ASB1: variants seen among roughly 807,000 people sequenced by gnomAD.
The protein encoded by ASB1 is ankyrin repeat and SOCS box protein 1.
ASB1 carries 18 observed loss-of-function variants against 27.7 expected under a neutral mutation model. The ratio of observed to expected loss-of-function variants is 0.65; its 90% CI spans 0.45 to 0.96. The LOEUF (loss-of-function observed/expected upper bound fraction) is 0.96, where lower values mean the gene tolerates loss of function less well. ASB1 is among the 50% of genes least tolerant of loss of function. ASB1 has a pLI of 0.00. For synonymous variants in ASB1, 189 were observed against 187.6 expected, an observed-to-expected ratio of 1.01 and a Z score of -0.06; for missense variants, 397 against 451.7, an observed-to-expected ratio of 0.88 and a Z score of 1.10.
intron 2 of ASB1, 24 bp downstream of exon 2, chr2:238,433,719 G>A (rs1251569756): frequency 1.9e-6 from 3 of 1,612,602 alleles, no homozygotes; most frequent in Non-Finnish European, 2.5e-6. Context: ...CCCAGGGCTG[G>A]TCCGGGTACT....
At chr2:238,444,980 T>TG (rs1553626202) in intron 4 of ASB1, among the ~76,000 whole-genome samples, 1 of 22,332 alleles carries the variant, frequency 4.5e-5, no homozygotes, top group African/African-American at 1.6e-4. Context: ...TCGCGCTCTC[T>TG]TTTTTTTTTT....
chr2:238,428,384 G>A (rs1234545570), intron 1 of ASB1, among the ~76,000 whole-genome samples: 1 of 152,182 alleles, frequency 6.6e-6, no homozygotes, highest in African/African-American at 2.4e-5. Context: ...TCCGCCTCGG[G>A]GGTTCAAGCG....
intron 2 of ASB1, among the ~76,000 whole-genome samples, chr2:238,434,245 A>ACAAAATGG (rs1701925299): frequency 6.6e-6 from 1 of 152,072 alleles, no homozygotes; most frequent in African/African-American, 2.4e-5. Context: ...GCCTGTCCCC[A>ACAAAATGG]CAAAATGGCT....
In ASB1 at chr2:238,444,471, C is replaced by G; in HGVS notation, c.624C>G (p.Phe208Leu). Residue 208 changes from phenylalanine (F) to leucine (L), a missense_variant, in exon 4 of 5, where the codon TTC becomes TTG. Coordinates refer to ENST00000264607, the MANE Select transcript of ASB1 (RefSeq NM_001040445.3). ...CAGCCTACCACAACCTCCAGTGCTTCCGGCTGCTCCTCCTGGCTGGCGCGA... is the reference window on the plus strand; with the variant it reads ...CAGCCTACCACAACCTCCAGTGCTTGCGGCTGCTCCTCCTGGCTGGCGCGA... ...ISAAYHNLQC[F>L]RLLLLAGANP... 1.9e-6 allele frequency: 3 copies of G among 1,614,256 alleles called. No individual in the cohort carries two copies. The highest frequency in any genetic ancestry group is 2.5e-6 in the Non-Finnish European group (3 of 1,180,046).
rs750212403 is a variant in ASB1, at chr2:238,433,645, C to T, written c.141C>T (p.Val47=). The T allele has an allele frequency of 1.2e-5, 20 of 1,613,956 alleles. No individual in the cohort carries two copies. The highest frequency in any genetic ancestry group is 4.5e-5 in the East Asian group (2 of 44,894). Residue 47 remains valine, a synonymous_variant, in exon 2 of 5, where the codon GTC becomes GTT. Coordinates refer to ENST00000264607, the MANE Select transcript of ASB1 (RefSeq NM_001040445.3). ...EDTRLHDAAY[V]GDLQTLRSLL... The stretch of plus-strand genomic sequence containing the variant: ...CGAGGCTCCATGATGCAGCTTACGT[C>T]GGGGACCTCCAGACCCTCAGGAGCC...
In ASB1 at chr2:238,445,895, G is replaced by A. The variant is rs1575009264; in HGVS notation, c.881-489G>A. Among the ~76,000 whole-genome samples, 3 of 152,332 alleles carry A rather than the reference G, an allele frequency of 2.0e-5. No individual in the cohort carries two copies. In the East Asian group the frequency reaches 5.8e-4, roughly 29 times the overall value. On this transcript the variant is annotated intron_variant, in intron 4 of 4. Transcript: ENST00000264607. ...CCACTCCTCAGCTTCCTCGCTAATC[G>A]AGACAGAACTTGGCTGCGCTCTTTT...
At position 238,446,729 on chromosome 2, in the gene ASB1, C is replaced by T. The variant is rs1014373578; in HGVS notation, c.*218C>T. Reference sequence around the variant, plus strand: ...TATACTAAAGTTATTATTGTTTTTCCCAAGTTCTCTGTTCTGGATTTTCAG... The same window carrying T: ...TATACTAAAGTTATTATTGTTTTTCTCAAGTTCTCTGTTCTGGATTTTCAG... On this transcript the variant is annotated 3_prime_UTR_variant, in exon 5 of 5. Coordinates refer to ENST00000264607, the MANE Select transcript of ASB1 (RefSeq NM_001040445.3). 1 of 551,002 alleles carries T rather than the reference C, an allele frequency of 1.8e-6. No homozygotes were observed. Among genetic ancestry groups the T allele is most frequent in the Admixed American group, 3.3e-5 (1 of 30,714 alleles). 34.1% of individuals were successfully genotyped at this position (551,002 alleles called of 1,614,324 possible).
intron 3 of ASB1, among the ~76,000 whole-genome samples, chr2:238,439,179 C>T (rs1428102033): frequency 1.2e-4 from 19 of 152,082 alleles, no homozygotes; most frequent in Admixed American, 1.1e-3. Flanking sequence ...CTTGTTGGCT[C>T]TGTGTGTTTT....
rs1702252008 is a variant in ASB1 at position 238,449,967 on chromosome 2, C to A, written c.*3456C>A. 7.5e-6 allele frequency: 1 copy of A among 133,476 alleles called. No homozygotes were observed. Among genetic ancestry groups the A allele is most frequent in the African/African-American group, 3.2e-5 (1 of 31,096 alleles). 8.3% of individuals were successfully genotyped at this position (133,476 alleles called of 1,614,324 possible). The stretch of plus-strand genomic sequence containing the variant: ...GCCATCCGTGCGGCCTTGGCCACAT[C>A]CCTATTAACAGAGGCAGCTCCACTT... On this transcript the variant is annotated 3_prime_UTR_variant, in exon 5 of 5. Transcript: ENST00000264607.
chr2:238,435,767 G>GA lies in ASB1; in HGVS notation c.250dup (p.Ile84AsnfsTer86). 1 of 1,614,064 alleles carries GA rather than the reference G, an allele frequency of 6.2e-7. No individual in the cohort carries two copies. The highest frequency in any genetic ancestry group is 8.5e-7 in the Non-Finnish European group (1 of 1,180,036). The stretch of plus-strand genomic sequence containing the variant: ...GGCTGGCTCCCCTGCACACCGTTGC[G>GA]AATCGCGGCCACTGCAGGCCATGGG... On this transcript the variant is annotated frameshift_variant, in exon 3 of 5. Coordinates refer to ENST00000264607, the MANE Select transcript of ASB1 (RefSeq NM_001040445.3). LOFTEE classifies it high-confidence loss of function.
At position 238,435,712 on chromosome 2, in the gene ASB1, C is replaced by T. The variant is rs750671010; in HGVS notation, c.193C>T (p.Arg65Cys). ...AGCCCCCTTGTGTTCCTCCTGCAGC[C>T]GCATCAACGAGAAGTCTGTCTGGTG... ...SLLQEESYRS[R>C]INEKSVWCCG... The change falls in exon 3 of 5, where the codon CGC becomes TGC. Residue 65 changes from arginine to cysteine, a missense_variant and splice_region_variant. By Grantham distance (180) the Arg-to-Cys change is radical. Coordinates refer to ENST00000264607, the MANE Select transcript of ASB1 (RefSeq NM_001040445.3). 1.2e-5 allele frequency: 20 copies of T among 1,610,456 alleles called. No individual in the cohort carries two copies. The highest frequency in any genetic ancestry group is 1.7e-5 in the Non-Finnish European group (20 of 1,177,576).
At chr2:238,428,311 A>G (rs1701801195) in intron 1 of ASB1, among the ~76,000 whole-genome samples, 3 of 151,946 alleles carry the variant, frequency 2.0e-5, no homozygotes, top group Non-Finnish European at 4.4e-5. Flanking sequence ...TTTTTTTGAG[A>G]CGGAGTTTCG....
chr2:238,436,017 A>G lies in ASB1; in HGVS notation c.494+4A>G. 6.3e-7 allele frequency: 1 copy of G among 1,584,556 alleles called. No homozygotes were observed. Among genetic ancestry groups the G allele is most frequent in the Non-Finnish European group, 8.6e-7 (1 of 1,165,466 alleles). ...ACATCCTGAAGGCCCTCATCAGGCC[A>G]GTACTGTGGAGCTCGCCTGGCTCCT... On this transcript the variant is annotated splice_donor_region_variant and intron_variant, in intron 3 of 4. Coordinates refer to ENST00000264607, the MANE Select transcript of ASB1 (RefSeq NM_001040445.3).
intron 2 of ASB1, among the ~76,000 whole-genome samples, chr2:238,434,979 C>G (rs1178838632): frequency 6.6e-6 from 1 of 152,224 alleles, no homozygotes; most frequent in African/African-American, 2.4e-5. Flanking sequence ...AGCTGCTTCC[C>G]CTGCATGTTC....
chr2:238,435,609 C>T, intron 2 of ASB1, 102 bp from the exon 3 acceptor site: 2 of 1,251,088 alleles, frequency 1.6e-6, no homozygotes, highest in Admixed American at 5.0e-5. Context: ...GCGTTATTAA[C>T]CAGAGGGGGA....
intron 3 of ASB1, among the ~76,000 whole-genome samples, chr2:238,437,647 T>C (rs1464401813): frequency 6.6e-6 from 1 of 152,146 alleles, no homozygotes; most frequent in Non-Finnish European, 1.5e-5. Flanking sequence ...TTTTTCCCTC[T>C]TTTACTCTGG....
rs71426528 is a variant in ASB1, at chr2:238,426,934, C to G, written c.-137C>G. The G allele has an allele frequency of 1.7e-6, 1 of 584,548 alleles. No individual in the cohort carries two copies. Among genetic ancestry groups the G allele is most frequent in the African/African-American group, 1.9e-5 (1 of 51,582 alleles). The allele number at this position is 584,548 out of a possible 1,614,324, so 36.2% of individuals were successfully genotyped here. On this transcript the variant is annotated 5_prime_UTR_variant, in exon 1 of 5. Coordinates refer to ENST00000264607, the MANE Select transcript of ASB1 (RefSeq NM_001040445.3). ...TGCGCGGCCCCGGAAACCAGTGAGG[C>G]CGGCGCGCGCCCGCCGGAAGCCGCG...
At chr2:238,435,508 T>C (rs1055947109) in intron 2 of ASB1, among the ~76,000 whole-genome samples, 6 of 152,326 alleles carry the variant, frequency 3.9e-5, no homozygotes, top group Admixed American at 2.6e-4. Context: ...TTCCTGTCTC[T>C]GGAATGGGGC....
intron 3 of ASB1, among the ~76,000 whole-genome samples, chr2:238,436,859 A>G (rs1701982988): frequency 6.7e-6 from 1 of 150,006 alleles, no homozygotes; most frequent in Non-Finnish European, 1.5e-5. Context: ...TGATTTTGCC[A>G]TTTTTTCCCC....
Sources: allele counts gnomAD v4.1 joint callset (sites outside exome capture counted in the v4.1 genomes callset), GRCh38; gene constraint gnomAD v4.1.1; transcripts MANE v1.5; gene names NCBI Gene and HGNC (gene_info 2026-07-23, HGNC 2026-07-21).